Variants in SNAP91 observed in about 807,000 individuals in gnomAD.
SNAP91 encodes clathrin coat assembly protein AP180.
SNAP91 carries 27 observed loss-of-function variants against 100.3 expected under a neutral mutation model. The observed-to-expected ratio is 0.27, with a 90% CI of 0.20 to 0.37. The LOEUF is 0.37. SNAP91 is among the 10% of genes least tolerant of loss of function. The pLI is 1.00. For missense variants in SNAP91, 986 were observed against 1,123.7 expected, an observed-to-expected ratio of 0.88 and a Z score of 1.75; for synonymous variants, 404 against 398.6, an observed-to-expected ratio of 1.01 and a Z score of -0.16.
intron 7 of SNAP91, among the ~76,000 whole-genome samples, chr6:83,642,704 C>T (rs1203538632): frequency 2.0e-5 from 3 of 152,146 alleles, no homozygotes; most frequent in Non-Finnish European, 4.4e-5. Flanking sequence ...GGTATATACC[C>T]AGTAATGGGA....
At chr6:83,610,433 T>C (rs2128305182) in intron 12 of SNAP91, among the ~76,000 whole-genome samples, 1 of 151,110 alleles carries the variant, frequency 6.6e-6, no homozygotes, top group Non-Finnish European at 1.5e-5. Flanking sequence ...AGTAGAATGG[T>C]GGTTGCCAGG....
chr6:83,607,865 G>A, intron 12 of SNAP91, 57 bp from the exon 13 acceptor site: 3 of 1,019,870 alleles, frequency 2.9e-6, no homozygotes, highest in Non-Finnish European at 2.8e-6. Flanking sequence ...AGGACACAGG[G>A]CAGCAGGACT....
chr6:83,667,875 C>G, intron 2 of SNAP91, among the ~76,000 whole-genome samples: 1 of 152,092 alleles, frequency 6.6e-6, no homozygotes. Flanking sequence ...AAAGAAACTA[C>G]CATCAGAGTG....
intron 2 of SNAP91, among the ~76,000 whole-genome samples, chr6:83,674,649 T>G (rs1367917642): frequency 6.6e-6 from 1 of 152,174 alleles, no homozygotes; most frequent in African/African-American, 2.4e-5. Context: ...TTTCAAAGAA[T>G]GTTCAAAATT....
intron 16 of SNAP91, among the ~76,000 whole-genome samples, chr6:83,595,389 G>A (rs1044775801): frequency 6.6e-6 from 1 of 152,014 alleles, no homozygotes; most frequent in Non-Finnish European, 1.5e-5. Context: ...ATTATTTATA[G>A]AATATCATTA....
At position 83,583,755 on chromosome 6, in the gene SNAP91, G is replaced by A. The variant is rs562646020; in HGVS notation, c.2015-1399C>T. Among the ~76,000 whole-genome samples the A allele has an allele frequency of 3.9e-5, 6 of 152,150 alleles. No homozygotes were observed. In the South Asian group the frequency reaches 6.2e-4, roughly 16 times the overall value. On this transcript the variant is annotated intron_variant, in intron 22 of 29. Transcript: ENST00000369694. ...TTTCAAAAAACATCCTTAAGTTTAC[G>A]TTCCATAGAATCGATTTATAATTTT...
chr6:83,565,637 T>C (rs1039028594), intron 26 of SNAP91, among the ~76,000 whole-genome samples: 7 of 152,064 alleles, frequency 4.6e-5, no homozygotes, highest in African/African-American at 1.7e-4. Flanking sequence ...AAAAAGAATT[T>C]TTCCTCCCCT....
chr6:83,609,184 G>A (rs2095834069), intron 12 of SNAP91, among the ~76,000 whole-genome samples: 1 of 151,906 alleles, frequency 6.6e-6, no homozygotes. Flanking sequence ...AGATGTAAGA[G>A]CTAGGAAAAC....
chr6:83,632,475 A>T (rs1460713320), intron 8 of SNAP91, among the ~76,000 whole-genome samples: 1 of 152,174 alleles, frequency 6.6e-6, no homozygotes, highest in African/African-American at 2.4e-5. Flanking sequence ...TTATTCCCCC[A>T]AATATATTTT....
At chr6:83,678,995 C>A in intron 2 of SNAP91, 1 of 607,268 alleles carries the variant, frequency 1.6e-6, no homozygotes, top group Non-Finnish European at 2.2e-6. Flanking sequence ...AGGTCCACAT[C>A]CTCAGATTCA....
At chr6:83,576,774 T>C (rs1819482183) in intron 24 of SNAP91, among the ~76,000 whole-genome samples, 1 of 152,222 alleles carries the variant, frequency 6.6e-6, no homozygotes, top group Non-Finnish European at 1.5e-5. Context: ...CTGAGTCCCA[T>C]GTGTCCTTCT....
intron 24 of SNAP91, among the ~76,000 whole-genome samples, chr6:83,576,411 G>T (rs1347239292): frequency 6.6e-6 from 1 of 152,124 alleles, no homozygotes; most frequent in Non-Finnish European, 1.5e-5. Flanking sequence ...GTGGATCACT[G>T]TGCCTACACT....
intron 8 of SNAP91, among the ~76,000 whole-genome samples, chr6:83,632,933 A>G (rs1378071748): frequency 1.3e-5 from 2 of 152,094 alleles, no homozygotes; most frequent in East Asian, 3.9e-4. Flanking sequence ...AGCTAGTGTG[A>G]TTTTTTTGGA....
chr6:83,678,854 G>C, intron 2 of SNAP91: 2 of 1,264,836 alleles, frequency 1.6e-6, no homozygotes, highest in Non-Finnish European at 2.0e-6. Context: ...GTTTTCTCTC[G>C]GAAGTACCAA....
intron 2 of SNAP91, among the ~76,000 whole-genome samples, chr6:83,706,375 A>G (rs745753149): frequency 4.6e-5 from 7 of 152,218 alleles, no homozygotes; most frequent in Non-Finnish European, 8.8e-5. Context: ...ACAAATTTAC[A>G]ATTTCTACTT....
At position 83,593,585 on chromosome 6, in the gene SNAP91, G is replaced by C. The variant is rs918836084; in HGVS notation, c.1589C>G (p.Ala530Gly). The C allele has an allele frequency of 4.0e-5, 62 of 1,566,866 alleles. No homozygotes were observed. Among genetic ancestry groups the C allele is most frequent in the Non-Finnish European group, 5.2e-5 (60 of 1,155,772 alleles). ...AGCAGTAGTGGCAGCAGCAGCAGCT[G>C]CAACGGCAGGAGCAGGAGAAGGAGC... ...ATAPSPAPAV[A>G]AAAAATTAAT... Residue 530 changes from alanine to glycine, a missense_variant, in exon 18 of 30, where the codon GCA becomes GGA. Physicochemically the swap from Ala to Gly is moderately conservative, Grantham distance 60. Around this residue, in one of 4 missense-constraint regions of SNAP91, gnomAD observed 575 missense variants for 579.9 expected, o/e 0.99. Coordinates refer to ENST00000369694, the MANE Select transcript of SNAP91 (RefSeq NM_001242792.2).
intron 10 of SNAP91, among the ~76,000 whole-genome samples, chr6:83,616,259 A>G (rs1171858414): frequency 7.2e-5 from 11 of 152,194 alleles, no homozygotes; most frequent in Non-Finnish European, 1.5e-4. Flanking sequence ...GCAGAATTAT[A>G]GTCTGAAAAA....
chr6:83,588,107 T>C (rs1449718791), intron 22 of SNAP91, among the ~76,000 whole-genome samples: 1 of 152,162 alleles, frequency 6.6e-6, no homozygotes, highest in Non-Finnish European at 1.5e-5. Context: ...GGGATTATGA[T>C]TGTGGGACAC....
At chr6:83,559,419 C>T (rs1207719175) in intron 28 of SNAP91, among the ~76,000 whole-genome samples, 1 of 152,210 alleles carries the variant, frequency 6.6e-6, no homozygotes, top group Non-Finnish European at 1.5e-5. Context: ...AAAGAAGCTT[C>T]ATGTTTAGAA....
Sources: gnomAD v4.1 joint callset for allele counts (sites outside exome capture counted in the v4.1 genomes callset) on GRCh38, gnomAD v4.1.1 for gene constraint, gnomAD v4.1.1 regional missense constraint, MANE v1.5 for transcripts, NCBI Gene and HGNC (gene_info 2026-07-23, HGNC 2026-07-21) for gene names.